The following UTRN variants were observed in gnomAD, a reference collection of about 807,000 sequenced individuals.
The protein encoded by UTRN is dystrophin-related protein 1.
In UTRN, 283 loss-of-function variants were observed where a neutral mutation model predicts 463.9. The observed-to-expected ratio is 0.61, with a 90% CI of 0.55 to 0.67. The LOEUF (loss-of-function observed/expected upper bound fraction) is 0.67, where lower values mean the gene tolerates loss of function less well. Among genes scored for constraint, UTRN ranks in the 30% least tolerant of loss-of-function variants. The pLI, the probability that UTRN is intolerant of heterozygous loss-of-function variation, is 0.00. For missense variants in UTRN, 3,922 were observed against 4,084.3 expected, an observed-to-expected ratio of 0.96 and a Z score of 1.08; for synonymous variants, 1,442 against 1,431.5, an observed-to-expected ratio of 1.01 and a Z score of -0.17.
At chr6:144,642,255 A>C (rs1360957325) in intron 51 of UTRN, among the ~76,000 whole-genome samples, 1 of 152,218 alleles carries the variant, frequency 6.6e-6, no homozygotes, top group African/African-American at 2.4e-5. Context: ...GTGTGGGTCC[A>C]CAGAGATTAT....
intron 2 of UTRN, among the ~76,000 whole-genome samples, chr6:144,342,987 AG>A (rs1282899634): frequency 2.0e-5 from 3 of 152,048 alleles, no homozygotes; most frequent in Non-Finnish European, 4.4e-5. Context: ...AGAGAGAGAG[AG>A]AGAGTATTTT....
chr6:144,346,792 C>T (rs1300460866), intron 2 of UTRN, among the ~76,000 whole-genome samples: 1 of 152,126 alleles, frequency 6.6e-6, no homozygotes, highest in Non-Finnish European at 1.5e-5. Context: ...CACTGCACTT[C>T]AGCCCGGGCA....
At chr6:144,587,580 G>C (rs1351129331) in intron 51 of UTRN, among the ~76,000 whole-genome samples, 3 of 152,178 alleles carry the variant, frequency 2.0e-5, no homozygotes, top group Admixed American at 6.6e-5. Context: ...TTAAGGTTGA[G>C]TATGTGGTTT....
chr6:144,749,685 A>G (rs1187817115), intron 55 of UTRN, among the ~76,000 whole-genome samples: 5 of 152,206 alleles, frequency 3.3e-5, no homozygotes, highest in Admixed American at 6.5e-5. Flanking sequence ...TCATTGCCAT[A>G]TAACACCTGA....
At position 144,516,839 on chromosome 6, in the gene UTRN, A is replaced by C; in HGVS notation, c.5432A>C (p.Glu1811Ala). Reference protein sequence around the residue: ...KMDEESAQIEEVLQRGEEMLH... With the variant: ...KMDEESAQIEAVLQRGEEMLH... Reference sequence around the variant, plus strand: ...GATGAGGAGAGTGCCCAGATTGAGGAAGTTCTACAAAGAGGAGAAGAAATG... The same window carrying C: ...GATGAGGAGAGTGCCCAGATTGAGGCAGTTCTACAAAGAGGAGAAGAAATG... Residue 1811 changes from glutamate (E) to alanine (A), a missense_variant, in exon 39 of 75, where the codon GAA (glutamate) becomes GCA (alanine). Glu to Ala is a moderately radical substitution (Grantham distance 107). This residue lies in a region of UTRN where 2,349 missense variants were observed against 2,303.8 expected (regional missense o/e 1.02). Coordinates refer to ENST00000367545, the MANE Select transcript of UTRN (RefSeq NM_007124.3). 6.6e-7 allele frequency: 1 copy of C among 1,505,918 alleles called. No individual in the cohort carries two copies. Among genetic ancestry groups the C allele is most frequent in the Admixed American group, 2.4e-5 (1 of 42,530 alleles). 93.3% of individuals were successfully genotyped at this position (1,505,918 alleles called of 1,614,324 possible). A position where few individuals can be genotyped will look rare whatever the true frequency, so the allele number is the denominator to read the frequency against.
chr6:144,509,300 A>G (rs1333111272), intron 34 of UTRN, among the ~76,000 whole-genome samples: 2 of 152,016 alleles, frequency 1.3e-5, no homozygotes, highest in Non-Finnish European at 1.5e-5. Context: ...GTAAAAATAT[A>G]CTTTTCGGTT....
intron 41 of UTRN, among the ~76,000 whole-genome samples, chr6:144,526,211 G>A (rs1394341179): frequency 6.6e-6 from 1 of 152,132 alleles, no homozygotes. Context: ...TTGTTCTAGG[G>A]TATAGTTTAA....
chr6:144,523,617 CCT>C (rs1047569535), intron 41 of UTRN, among the ~76,000 whole-genome samples: 7 of 151,930 alleles, frequency 4.6e-5, no homozygotes, highest in African/African-American at 1.7e-4. Context: ...GGCCTTATGC[CCT>C]GTTTAATAAA....
chr6:144,551,795 T>G (rs1184689270), intron 48 of UTRN, among the ~76,000 whole-genome samples: 1 of 152,184 alleles, frequency 6.6e-6, no homozygotes, highest in Non-Finnish European at 1.5e-5. Flanking sequence ...GGCCTGTAAT[T>G]ATGCTGTTAT....
chr6:144,516,516 G>T (rs546537065), intron 38 of UTRN, 129 bp downstream of exon 38: 198 of 1,114,462 alleles, frequency 1.8e-4, no homozygotes, highest in Non-Finnish European at 2.4e-4. Context: ...GTGATTTTTT[G>T]ATGTGTGTCA....
rs551043826 is a variant in UTRN, at chr6:144,649,190, C to T, written c.7480-29216C>T. Among the ~76,000 whole-genome samples, 22 of 152,122 alleles carry T rather than the reference C, an allele frequency of 1.4e-4. 1 individual carries two copies. In the South Asian group the frequency reaches 3.3e-3, roughly 23 times the overall value. On this transcript the variant is annotated intron_variant, in intron 51 of 74. Coordinates refer to ENST00000367545, the MANE Select transcript of UTRN (RefSeq NM_007124.3). Reference sequence around the variant, plus strand: ...GAATAGATTTAAAAAAAACAAAACACGAGGAGGCTATTATTTAAGAAAATA... The same window carrying T: ...GAATAGATTTAAAAAAAACAAAACATGAGGAGGCTATTATTTAAGAAAATA...
intron 19 of UTRN, among the ~76,000 whole-genome samples, chr6:144,456,921 A>G (rs566869278): frequency 6.6e-6 from 1 of 152,076 alleles, no homozygotes; most frequent in Non-Finnish European, 1.5e-5. Context: ...CTTGATTCCA[A>G]TAGTGATAGA....
At chr6:144,748,095 T>A (rs1038349549) in intron 54 of UTRN, 151 bp from the exon 55 acceptor site, 3 of 951,452 alleles carry the variant, frequency 3.2e-6, no homozygotes, top group Non-Finnish European at 4.5e-6. Context: ...TATGGAGAAA[T>A]TCTTTCTTAC....
chr6:144,519,406 A>T (rs1420940042), intron 39 of UTRN, among the ~76,000 whole-genome samples: 3 of 152,232 alleles, frequency 2.0e-5, no homozygotes, highest in East Asian at 3.8e-4. Flanking sequence ...AACAAAACTT[A>T]GAAATTTAAT....
chr6:144,548,309 A>G (rs947122187), intron 46 of UTRN, among the ~76,000 whole-genome samples: 5 of 152,238 alleles, frequency 3.3e-5, no homozygotes, highest in Non-Finnish European at 1.5e-5. Context: ...ATAAAAAATT[A>G]TGAATAAGTT....
chr6:144,824,572 TTATATATA>T (rs71028314), intron 66 of UTRN, among the ~76,000 whole-genome samples: 855 of 37,832 alleles, frequency 0.023, 19 homozygotes, highest in Middle Eastern at 0.083. Context: ...AGCATTTTAT[TTATATATA>T]TATATATATA....
chr6:144,438,890 C>CAT lies in UTRN; in HGVS notation c.1389_1390dup (p.Lys464IlefsTer13). The CAT allele has an allele frequency of 6.2e-7, 1 of 1,614,080 alleles. No homozygotes were observed. Among genetic ancestry groups the CAT allele is most frequent in the Non-Finnish European group, 8.5e-7 (1 of 1,179,996 alleles). On this transcript the variant is annotated frameshift_variant, in exon 12 of 75. Coordinates refer to ENST00000367545, the MANE Select transcript of UTRN (RefSeq NM_007124.3). LOFTEE classifies it high-confidence loss of function. ...ATCTCTACAAAAGCTGCTAGAAGAA[C>CAT]ATAAAGTAAATCTGTCTCATATTTC...
At chr6:144,312,713 A>G (rs536347289) in intron 2 of UTRN, among the ~76,000 whole-genome samples, 1 of 152,146 alleles carries the variant, frequency 6.6e-6, no homozygotes, top group South Asian at 2.1e-4. Flanking sequence ...TTTCTCTTCC[A>G]TGTTTATATA....
chr6:144,511,083 G>A lies in UTRN; in HGVS notation c.4904G>A (p.Arg1635Gln), dbSNP rs1795127146. ...RLCVLNAGWS[R>Q]VRTWTEDWCN... ...TGCGTCCTTAACGCTGGGTGGAGCCGAGTTCGTACCTGGACTGAAGATTGG... is the reference window on the plus strand; with the variant it reads ...TGCGTCCTTAACGCTGGGTGGAGCCAAGTTCGTACCTGGACTGAAGATTGG... The change falls in exon 35 of 75, where the codon CGA becomes CAA. Residue 1635 changes from arginine (R) to glutamine (Q), a missense_variant. This residue lies in a region of UTRN where 2,349 missense variants were observed against 2,303.8 expected (regional missense o/e 1.02). Transcript: ENST00000367545. The A allele has an allele frequency of 9.9e-6, 16 of 1,609,632 alleles. No homozygotes were observed. The highest frequency in any genetic ancestry group is 2.2e-5 in the South Asian group (2 of 90,566).
Sources: allele counts gnomAD v4.1 joint callset (sites outside exome capture counted in the v4.1 genomes callset), GRCh38; gene constraint gnomAD v4.1.1; regional missense constraint gnomAD v4.1.1; transcripts MANE v1.5; gene names NCBI Gene and HGNC (gene_info 2026-07-23, HGNC 2026-07-21).